The following SCN10A variants were observed in gnomAD, a reference collection of about 807,000 sequenced individuals.
SCN10A encodes sodium channel protein type 10 subunit alpha.
SCN10A carries 162 observed loss-of-function variants against 170.7 expected under a neutral mutation model. That is an observed-to-expected ratio of 0.95 (90% CI 0.84 to 1.08). The LOEUF (loss-of-function observed/expected upper bound fraction) is 1.08, where lower values mean the gene tolerates loss of function less well. SCN10A is among the 50% of genes least tolerant of loss of function. SCN10A has a pLI of 0.00. For synonymous variants in SCN10A, 985 were observed against 904.6 expected (o/e 1.09, Z -1.59); for missense variants, 2,527 against 2,436.9 (o/e 1.04, Z -0.78).
chr3:38,756,041 G>T, intron 10 of SCN10A, 83 bp from the exon 11 acceptor site: 1 of 1,463,794 alleles, frequency 6.8e-7, no homozygotes, highest in Non-Finnish European at 9.5e-7. Context: ...GGGGTGCCAG[G>T]GGTGAGAGAT....
At chr3:38,779,986 A>G (rs1396333703) in intron 4 of SCN10A, among the ~76,000 whole-genome samples, 1 of 151,752 alleles carries the variant, frequency 6.6e-6, no homozygotes, top group Non-Finnish European at 1.5e-5. Context: ...ATTGTTAGGG[A>G]AGGTAGTTTG....
In SCN10A at chr3:38,771,335, C is replaced by A; in HGVS notation, c.543G>T (p.Glu181Asp). The A allele has an allele frequency of 6.2e-7, 1 of 1,614,144 alleles. No individual in the cohort carries two copies. Among genetic ancestry groups the A allele is most frequent in the South Asian group, 1.1e-5 (1 of 91,080 alleles). Reference sequence around the variant, plus strand: ...TCCAAGGATCTCTCAGGTACGTGAACTCATTTAGACAAAATCCTCTTGCCA... The same window carrying A: ...TCCAAGGATCTCTCAGGTACGTGAAATCATTTAGACAAAATCCTCTTGCCA... ...KILARGFCLN[E>D]FTYLRDPWNW... Residue 181 changes from glutamate (E) to aspartate (D), a missense_variant, in exon 5 of 28, where the codon GAG (glutamate) becomes GAT (aspartate). Coordinates refer to ENST00000449082, the MANE Select transcript of SCN10A (RefSeq NM_006514.4).
At chr3:38,760,312 C>T (rs894792865) in intron 8 of SCN10A, among the ~76,000 whole-genome samples, 2 of 152,184 alleles carry the variant, frequency 1.3e-5, no homozygotes, top group Non-Finnish European at 2.9e-5. Context: ...GGGTGAGAGG[C>T]CACATGAGCA....
chr3:38,740,185 C>A lies in SCN10A; in HGVS notation c.2107-497G>T, dbSNP rs544640966. 2.0e-5 allele frequency among the ~76,000 whole-genome samples: 3 copies of A among 152,338 alleles called. No homozygotes were observed. The South Asian group carries it at 6.2e-4, about 32-fold the overall frequency. On this transcript the variant is annotated intron_variant, in intron 14 of 27. Coordinates refer to ENST00000449082, the MANE Select transcript of SCN10A (RefSeq NM_006514.4). ...GTGCAGTTCTTAACAAAGGGCCTGG[C>A]AGACAGTAATTCATTCATAAGTAAC...
At chr3:38,737,698 T>A (rs6776034) in intron 15 of SCN10A, among the ~76,000 whole-genome samples, 11,282 of 151,188 alleles carry the variant, frequency 0.075, 552 homozygotes, top group Middle Eastern at 0.12. Flanking sequence ...AATTAGTAAC[T>A]CTGACAATAA....
chr3:38,765,550 A>G (rs1027912796), intron 5 of SCN10A, among the ~76,000 whole-genome samples: 4 of 152,084 alleles, frequency 2.6e-5, no homozygotes, highest in Admixed American at 6.6e-5. Context: ...TGAGTTCTCT[A>G]TTCTTTTCCA....
At chr3:38,718,198 T>C (rs931252986) in intron 21 of SCN10A, among the ~76,000 whole-genome samples, 45 of 152,240 alleles carry the variant, frequency 3.0e-4, no homozygotes, top group African/African-American at 1.1e-3. Context: ...GGGGTAGTGG[T>C]GGTCGGTCAC....
chr3:38,761,354 G>T lies in SCN10A; in HGVS notation c.721C>A (p.His241Asn). Residue 241 changes from histidine (H) to asparagine (N), a missense_variant, in exon 7 of 28, where the codon CAC (histidine) becomes AAC (asparagine). Physicochemically the swap from His to Asn is moderately conservative, Grantham distance 68 (BLOSUM62 1). Transcript: ENST00000449082. ...GLKVIVGALI[H>N]SVKKLADVTI... Reference sequence around the variant, plus strand: ...ACATCAGCCAGTTTCTTCACTGAGTGAATCAGGGCCCCCACAATGACCTTC... The same window carrying T: ...ACATCAGCCAGTTTCTTCACTGAGTTAATCAGGGCCCCCACAATGACCTTC... 6 of 1,613,742 alleles carry T rather than the reference G, an allele frequency of 3.7e-6. No homozygotes were observed. The highest frequency in any genetic ancestry group is 1.7e-5 in the Admixed American group (1 of 60,008).
At chr3:38,762,914 C>G (rs2063891650) in intron 6 of SCN10A, among the ~76,000 whole-genome samples, 1 of 152,284 alleles carries the variant, frequency 6.6e-6, no homozygotes, top group Admixed American at 6.5e-5. Context: ...TCTGGCCTCC[C>G]CATCCTCACC....
At chr3:38,726,550 C>G (rs927411049) in intron 17 of SCN10A, 56 bp downstream of exon 17, 30 of 1,412,990 alleles carry the variant, frequency 2.1e-5, no homozygotes, top group Non-Finnish European at 2.9e-5. Context: ...CTTTGTCACT[C>G]AAGCCCTGAA....
At chr3:38,711,301 G>A (rs1197047914) in intron 23 of SCN10A, among the ~76,000 whole-genome samples, 1 of 152,212 alleles carries the variant, frequency 6.6e-6, no homozygotes, top group Non-Finnish European at 1.5e-5. Flanking sequence ...TCTTCCAGAT[G>A]GAGAAGTTGA....
At chr3:38,761,483 G>A (rs149438235) in intron 6 of SCN10A, 100 bp from the exon 7 acceptor site, 6 of 1,031,990 alleles carry the variant, frequency 5.8e-6, no homozygotes, top group East Asian at 2.6e-5. Context: ...ACATACAGGA[G>A]TGAAGTATGT....
intron 8 of SCN10A, among the ~76,000 whole-genome samples, chr3:38,759,791 C>T (rs1361434752): frequency 2.6e-5 from 4 of 152,244 alleles, no homozygotes; most frequent in East Asian, 3.9e-4. Flanking sequence ...AAAGCTGGAC[C>T]GAGCAGTGGG....
At chr3:38,796,402 A>G (rs1408982958) in intron 1 of SCN10A, among the ~76,000 whole-genome samples, 10 of 152,016 alleles carry the variant, frequency 6.6e-5, no homozygotes, top group Admixed American at 2.0e-4. Context: ...CGTATGTGTC[A>G]TTTTGATTCC....
In SCN10A at chr3:38,728,497, T is replaced by C. The variant is rs2063479868; in HGVS notation, c.2640+45A>G. The stretch of plus-strand genomic sequence containing the variant: ...TTTTTCAGATAACCCAGAAGCCTTC[T>C]CCTTTCCCCAGGAGACAGTGCCCCC... On this transcript the variant is annotated intron_variant, in intron 16 of 27. Transcript: ENST00000449082. The C allele has an allele frequency of 2.7e-6, 4 of 1,507,896 alleles. No individual in the cohort carries two copies. The South Asian group carries it at 4.2e-5, about 16-fold the overall frequency. 93.4% of individuals were successfully genotyped at this position (1,507,896 alleles called of 1,614,324 possible). A position where few individuals can be genotyped will look rare whatever the true frequency, so the allele number is the denominator to read the frequency against.
Position 38,761,395 on chromosome 3 carries a change from T to C in SCN10A, c.692-12A>G, listed in dbSNP as rs2063869924. ...AATGACCTTCAGGCCTGCGGGAAGA[T>C]GACAGTGGTATGACCACATGGATGA... On this transcript the variant is annotated splice_polypyrimidine_tract_variant and intron_variant, in intron 6 of 27. Transcript: ENST00000449082. 6.2e-7 allele frequency: 1 copy of C among 1,610,032 alleles called. No individual in the cohort carries two copies. The highest frequency in any genetic ancestry group is 8.5e-7 in the Non-Finnish European group (1 of 1,177,586).
intron 1 of SCN10A, among the ~76,000 whole-genome samples, chr3:38,802,672 G>A (rs1362746968): frequency 6.6e-6 from 1 of 152,144 alleles, no homozygotes; most frequent in Non-Finnish European, 1.5e-5. Flanking sequence ...ATACTTAAAT[G>A]TTAGACCTAA....
At chr3:38,811,752 C>T (rs2064442800) in intron 1 of SCN10A, among the ~76,000 whole-genome samples, 1 of 152,180 alleles carries the variant, frequency 6.6e-6, no homozygotes, top group Non-Finnish European at 1.5e-5. Flanking sequence ...AGCTGGACAA[C>T]AACCCAGATT....
chr3:38,760,436 T>C (rs2063855882), intron 8 of SCN10A, among the ~76,000 whole-genome samples: 1 of 152,260 alleles, frequency 6.6e-6, no homozygotes, highest in Non-Finnish European at 1.5e-5. Context: ...AAAATGCTGA[T>C]GCACAGAATC....
Sources: gnomAD v4.1 joint callset for allele counts (sites outside exome capture counted in the v4.1 genomes callset) on GRCh38, gnomAD v4.1.1 for gene constraint, MANE v1.5 for transcripts, NCBI Gene and HGNC (gene_info 2026-07-23, HGNC 2026-07-21) for gene names.